The following VSNL1 variants were observed in gnomAD, a reference collection of about 807,000 sequenced individuals.
VSNL1 encodes visinin like 1, also known as visinin-like protein 1.
Under a neutral mutation model 20.4 loss-of-function variants are expected in VSNL1, and 6 were observed. The observed-to-expected ratio is 0.29, with a 90% CI of 0.16 to 0.58. The LOEUF is 0.58. Ranked by LOEUF, VSNL1 falls within the 20% of genes least tolerant of loss-of-function variation. The pLI is 0.90. For missense variants in VSNL1, 100 were observed against 234.5 expected (o/e 0.43, Z 3.75); for synonymous variants, 93 against 86.4 (o/e 1.08, Z -0.42).
At chr2:17,620,494 C>T (rs985596166) in intron 2 of VSNL1, among the ~76,000 whole-genome samples, 3 of 152,174 alleles carry the variant, frequency 2.0e-5, no homozygotes, top group African/African-American at 4.8e-5. Flanking sequence ...GCTTTCAGTG[C>T]GCCTCCCACG....
At chr2:17,626,980 A>G (rs1665525092) in intron 2 of VSNL1, among the ~76,000 whole-genome samples, 1 of 152,248 alleles carries the variant, frequency 6.6e-6, no homozygotes. Context: ...GCTTTTTAAC[A>G]GCAATCAAAG....
intron 2 of VSNL1, among the ~76,000 whole-genome samples, chr2:17,637,885 G>A (rs1665790926): frequency 6.6e-6 from 1 of 152,170 alleles, no homozygotes; most frequent in South Asian, 2.1e-4. Flanking sequence ...CCTTGAGGTT[G>A]ACGCAGCACT....
At chr2:17,597,962 A>C (rs1664746025) in intron 2 of VSNL1, among the ~76,000 whole-genome samples, 1 of 152,252 alleles carries the variant, frequency 6.6e-6, no homozygotes, top group Non-Finnish European at 1.5e-5. Context: ...TGAAAATACA[A>C]ATTTACTCAC....
rs1012723088 is a variant in VSNL1 at position 17,591,915 on chromosome 2, T to A, written c.-5-155T>A. ...ATTTCACTCATATATTTTTCTAGAA[T>A]ACCAAGTAGAAGGAGGCAGACTTGG... On this transcript the variant is annotated intron_variant, in intron 1 of 3. Coordinates refer to ENST00000295156, the MANE Select transcript of VSNL1 (RefSeq NM_003385.5). Among the ~76,000 whole-genome samples the A allele has an allele frequency of 1.8e-4, 28 of 151,950 alleles. 3 individuals are homozygous for A. Among genetic ancestry groups the A allele is most frequent in the Admixed American group, 1.8e-3 (27 of 15,244 alleles).
At chr2:17,627,308 A>G (rs1055093382) in intron 2 of VSNL1, among the ~76,000 whole-genome samples, 1 of 152,228 alleles carries the variant, frequency 6.6e-6, no homozygotes, top group Non-Finnish European at 1.5e-5. Flanking sequence ...GTACACAAAG[A>G]TAGATAAAAG....
intron 1 of VSNL1, among the ~76,000 whole-genome samples, chr2:17,576,742 C>A (rs1281066307): frequency 6.6e-6 from 1 of 152,060 alleles, no homozygotes; most frequent in Non-Finnish European, 1.5e-5. Context: ...TCAGTCTTAT[C>A]TTTTATAGTT....
intron 2 of VSNL1, among the ~76,000 whole-genome samples, chr2:17,642,272 A>G (rs1665896218): frequency 6.7e-6 from 1 of 148,412 alleles, no homozygotes; most frequent in South Asian, 2.2e-4. Context: ...CATCCTTAAC[A>G]TAGAGATGAT....
intron 2 of VSNL1, among the ~76,000 whole-genome samples, chr2:17,632,401 A>C (rs1665655135): frequency 6.6e-6 from 1 of 152,122 alleles, no homozygotes; most frequent in Admixed American, 6.5e-5. Context: ...CCCGGGTTCA[A>C]GTGATTCTCC....
At chr2:17,594,831 A>T (rs1192319925) in intron 2 of VSNL1, among the ~76,000 whole-genome samples, 1 of 152,262 alleles carries the variant, frequency 6.6e-6, no homozygotes, top group Non-Finnish European at 1.5e-5. Flanking sequence ...CAGGGGCCAC[A>T]GTCTCCCAAC....
intron 2 of VSNL1, among the ~76,000 whole-genome samples, chr2:17,635,011 CAT>C (rs920082378): frequency 4.6e-5 from 7 of 152,158 alleles, no homozygotes; most frequent in African/African-American, 1.7e-4. Context: ...GCTCAGGGCA[CAT>C]GAGGGTTTGT....
chr2:17,596,632 GC>G (rs1664716430), intron 2 of VSNL1, among the ~76,000 whole-genome samples: 2 of 152,246 alleles, frequency 1.3e-5, no homozygotes, highest in East Asian at 1.9e-4. Context: ...CCTGCAAAGA[GC>G]CCTAAGTGGA....
chr2:17,556,630 A>G (rs62131464), intron 1 of VSNL1, among the ~76,000 whole-genome samples: 1 of 152,212 alleles, frequency 6.6e-6, no homozygotes, highest in Non-Finnish European at 1.5e-5. Context: ...GATAGTTATC[A>G]TTGTTCACAG....
chr2:17,640,892 TC>T (rs745960296), intron 2 of VSNL1, among the ~76,000 whole-genome samples: 3 of 152,252 alleles, frequency 2.0e-5, no homozygotes, highest in Non-Finnish European at 4.4e-5. Flanking sequence ...TTAACAATAC[TC>T]ACCCTCCAGT....
intron 1 of VSNL1, among the ~76,000 whole-genome samples, chr2:17,587,145 A>G (rs1410709527): frequency 2.0e-5 from 3 of 151,920 alleles, no homozygotes; most frequent in Non-Finnish European, 4.4e-5. Flanking sequence ...CCTGCTATGT[A>G]TTTGCACATG....
intron 1 of VSNL1, among the ~76,000 whole-genome samples, chr2:17,558,188 G>C (rs1663733921): frequency 6.6e-6 from 1 of 152,132 alleles, no homozygotes; most frequent in African/African-American, 2.4e-5. Flanking sequence ...CTGACATAAG[G>C]TTTTAAAGGG....
At chr2:17,610,892 G>A (rs1246170809) in intron 2 of VSNL1, among the ~76,000 whole-genome samples, 1 of 152,112 alleles carries the variant, frequency 6.6e-6, no homozygotes. Context: ...CTTTTCCCAA[G>A]GAAGAAGAAA....
In VSNL1 at chr2:17,649,308, G is replaced by A. The variant is rs1666072563; in HGVS notation, c.163-102G>A. ...ACTGCTCTCCAATGGGTGAGGCTCC[G>A]ACAACGCCCAGGAGCACCTGTGATG... On this transcript the variant is annotated intron_variant, in intron 2 of 3. Transcript: ENST00000295156. This position sits in a 1 kb window ranked among gnomAD's most constrained non-coding sequence, Gnocchi z 6.4. 9.2e-5 allele frequency: 111 copies of A among 1,201,922 alleles called. 1 individual carries two copies. In the South Asian group the frequency reaches 1.3e-3, roughly 14 times the overall value. The allele number at this position is 1,201,922 out of a possible 1,614,324, so 74.5% of individuals were successfully genotyped here.
intron 2 of VSNL1, among the ~76,000 whole-genome samples, chr2:17,642,365 GTGGCGCTATCT>G (rs986495206): frequency 3.0e-5 from 4 of 132,298 alleles, no homozygotes; most frequent in African/African-American, 1.1e-4. Flanking sequence ...CTGGAGTGCA[GTGGCGCTATCT>G]TGGCTCACTG....
intron 2 of VSNL1, among the ~76,000 whole-genome samples, chr2:17,643,094 G>T (rs1231522346): frequency 2.6e-5 from 4 of 152,094 alleles, no homozygotes; most frequent in African/African-American, 9.7e-5. Flanking sequence ...CCTACCTTTG[G>T]CTTATCACAT....
Sources: allele counts gnomAD v4.1 joint callset (sites outside exome capture counted in the v4.1 genomes callset), GRCh38; gene constraint gnomAD v4.1.1; non-coding constraint Gnocchi (gnomAD v3.1); transcripts MANE v1.5; gene names NCBI Gene and HGNC (gene_info 2026-07-23, HGNC 2026-07-21).